The following SRGAP1 variants were observed in gnomAD, a reference collection of about 807,000 sequenced individuals.
SRGAP1 encodes the protein SLIT-ROBO Rho GTPase activating protein 1, also known as SLIT-ROBO Rho GTPase-activating protein 1.
A neutral mutation model predicts 121.9 loss-of-function variants in SRGAP1; 43 were observed. The ratio of observed to expected loss-of-function variants is 0.35; its 90% CI spans 0.28 to 0.46. The LOEUF (loss-of-function observed/expected upper bound fraction) is 0.46. Ranked by LOEUF, SRGAP1 falls within the 20% of genes least tolerant of loss-of-function variation. The pLI, the probability that SRGAP1 is intolerant of heterozygous loss-of-function variation, is 1.00. For missense variants in SRGAP1, 1,102 were observed against 1,350.9 expected (o/e 0.82, Z 2.89); for synonymous variants, 447 against 485.4 (o/e 0.92, Z 1.04).
intron 1 of SRGAP1, among the ~76,000 whole-genome samples, chr12:63,922,996 T>C (rs958581069): frequency 2.0e-5 from 3 of 152,246 alleles, no homozygotes; most frequent in East Asian, 1.9e-4. Context: ...CTCTAGGATA[T>C]CTGCATTGCG....
intron 8 of SRGAP1, among the ~76,000 whole-genome samples, chr12:64,073,839 C>A (rs1329368520): frequency 6.8e-6 from 1 of 146,866 alleles, no homozygotes; most frequent in Non-Finnish European, 1.5e-5. Flanking sequence ...GTTCATGATT[C>A]TTTTTGCGTT....
rs772073463 is a variant in SRGAP1 at position 64,091,371 on chromosome 12, T to C, written c.1532T>C (p.Phe511Ser). The change falls in exon 12 of 22, where the codon TTC (phenylalanine) becomes TCC (serine). Residue 511 changes from phenylalanine to serine, a missense_variant. Coordinates refer to ENST00000355086, the MANE Select transcript of SRGAP1 (RefSeq NM_020762.4). ...TTGTTTAATGGGGATTTGGAAACAT[T>C]CGTCAAGGTACTGGCACCAGCCATC... Reference protein sequence around the residue: ...TKLFNGDLETFVKDSGQVIPL... With the variant: ...TKLFNGDLETSVKDSGQVIPL... 17 of 1,604,646 alleles carry C rather than the reference T, an allele frequency of 1.1e-5. No homozygotes were observed. In the East Asian group the frequency reaches 3.8e-4, roughly 36 times the overall value.
At chr12:64,101,919 C>T (rs572359353) in intron 15 of SRGAP1, among the ~76,000 whole-genome samples, 1 of 152,228 alleles carries the variant, frequency 6.6e-6, no homozygotes. Flanking sequence ...CTTCCTATCA[C>T]AAAACCAACA....
At position 64,143,452 on chromosome 12, in the gene SRGAP1, T is replaced by G. The variant is rs1212008758; in HGVS notation, c.*780T>G. ...TACACTTACAAACGATTAGAAGGGT[T>G]TAATTTTAAAGACTTTCTGGTTACA... On this transcript the variant is annotated 3_prime_UTR_variant, in exon 22 of 22. Transcript: ENST00000355086. 6.6e-6 allele frequency: 1 copy of G among 152,184 alleles called. No individual in the cohort carries two copies. The highest frequency in any genetic ancestry group is 2.4e-5 in the African/African-American group (1 of 41,434). 9.4% of individuals were successfully genotyped at this position (152,184 alleles called of 1,614,324 possible). A position where few individuals can be genotyped will look rare whatever the true frequency, so the allele number is the denominator to read the frequency against.
intron 16 of SRGAP1, among the ~76,000 whole-genome samples, chr12:64,110,606 A>G (rs1451105930): frequency 6.6e-6 from 1 of 152,236 alleles, no homozygotes; most frequent in Non-Finnish European, 1.5e-5. Context: ...CTAAAGACCC[A>G]GAAAGATTAA....
intron 4 of SRGAP1, among the ~76,000 whole-genome samples, chr12:64,041,518 GGCTCTACAGGT>G (rs948538985): frequency 1.3e-4 from 20 of 151,886 alleles, no homozygotes; most frequent in African/African-American, 4.8e-4. Context: ...CCAAGTAGCT[GGCTCTACAGGT>G]GCATGCCACC....
chr12:64,053,692 A>G (rs1245035703), intron 6 of SRGAP1, among the ~76,000 whole-genome samples: 16 of 152,210 alleles, frequency 1.1e-4, no homozygotes, highest in Non-Finnish European at 2.4e-4. Context: ...ATTGTAGAGG[A>G]AAATAGATTG....
At chr12:63,908,441 G>A (rs770496219) in intron 1 of SRGAP1, among the ~76,000 whole-genome samples, 1 of 152,098 alleles carries the variant, frequency 6.6e-6, no homozygotes. Flanking sequence ...TTGAGATGGA[G>A]TCTCGCTCTG....
chr12:63,874,357 C>T (rs1294621816), intron 1 of SRGAP1, among the ~76,000 whole-genome samples: 1 of 152,066 alleles, frequency 6.6e-6, no homozygotes, highest in Non-Finnish European at 1.5e-5. Context: ...GTGCCTGCCA[C>T]CATGCCTGGC....
In SRGAP1 at chr12:63,985,353, AGGCGATGAGCTGCAT is replaced by A. The variant is rs1254770768; in HGVS notation, c.263+1215_263+1229del. On this transcript the variant is annotated intron_variant, in intron 2 of 21. Transcript: ENST00000355086. Reference sequence around the variant, plus strand: ...AGTAGTCCAGTGGGAGTGAGTAGGGAGGCGATGAGCTGCATGGCTGCAGGTGTGAATCAGAGGTCA... The same window carrying A: ...AGTAGTCCAGTGGGAGTGAGTAGGGAGGCTGCAGGTGTGAATCAGAGGTCA... Among the ~76,000 whole-genome samples the A allele has an allele frequency of 3.3e-5, 5 of 152,266 alleles. No homozygotes were observed. In the South Asian group the frequency reaches 6.2e-4, roughly 19 times the overall value.
intron 1 of SRGAP1, among the ~76,000 whole-genome samples, chr12:63,921,893 A>C (rs757522104): frequency 6.6e-6 from 1 of 152,168 alleles, no homozygotes; most frequent in Non-Finnish European, 1.5e-5. Context: ...TGCTGGAAAG[A>C]GTCTTAGTTC....
chr12:63,946,224 C>T (rs1234876463), intron 1 of SRGAP1, among the ~76,000 whole-genome samples: 1 of 151,862 alleles, frequency 6.6e-6, no homozygotes, highest in Non-Finnish European at 1.5e-5. Context: ...CTTTATGTTA[C>T]CATTGTCACC....
At chr12:64,028,791 T>C (rs185901451) in intron 4 of SRGAP1, among the ~76,000 whole-genome samples, 58 of 152,292 alleles carry the variant, frequency 3.8e-4, no homozygotes, top group Admixed American at 1.8e-3. Flanking sequence ...GTCATCACCT[T>C]GGGAAGTTAG....
At chr12:64,082,001 C>CTTTTTTTTTTTTTTTTTTTTTTTTTTT in intron 10 of SRGAP1, 4 of 66,124 alleles carry the variant, frequency 6.0e-5, no homozygotes, top group Non-Finnish European at 7.5e-5. Context: ...CATGTAAGGT[C>CTTTTTTTTTTTTTTTTTTTTTTTTTTT]TTTTTTTTTT....
chr12:64,095,832 G>A (rs2036145474), intron 14 of SRGAP1, among the ~76,000 whole-genome samples: 1 of 152,040 alleles, frequency 6.6e-6, no homozygotes, highest in South Asian at 2.1e-4. Flanking sequence ...GATCAAATCA[G>A]GGTAACTGGG....
chr12:63,880,559 C>T (rs1196395835), intron 1 of SRGAP1, among the ~76,000 whole-genome samples: 3 of 152,000 alleles, frequency 2.0e-5, no homozygotes, highest in Admixed American at 6.6e-5. Flanking sequence ...TATAAATTAC[C>T]CAGTCTCAAG....
intron 1 of SRGAP1, among the ~76,000 whole-genome samples, chr12:63,959,472 C>T (rs2032571412): frequency 6.6e-6 from 1 of 152,148 alleles, no homozygotes; most frequent in African/African-American, 2.4e-5. Flanking sequence ...TCCAATTCAG[C>T]TGGCACTGAT....
chr12:63,928,662 G>A (rs1054506013), intron 1 of SRGAP1, among the ~76,000 whole-genome samples: 2 of 152,150 alleles, frequency 1.3e-5, no homozygotes, highest in Admixed American at 6.5e-5. Context: ...CTGGGGGTGG[G>A]GGCGGTGGTG....
At chr12:64,019,230 C>G (rs2034487377) in intron 4 of SRGAP1, among the ~76,000 whole-genome samples, 1 of 152,084 alleles carries the variant, frequency 6.6e-6, no homozygotes, top group Non-Finnish European at 1.5e-5. Flanking sequence ...TCTCCTAGAT[C>G]CAGCCTATCG....
Sources: allele counts gnomAD v4.1 joint callset (sites outside exome capture counted in the v4.1 genomes callset), GRCh38; gene constraint gnomAD v4.1.1; transcripts MANE v1.5; gene names NCBI Gene and HGNC (gene_info 2026-07-23, HGNC 2026-07-21).